The following RALGAPB variants were observed in gnomAD, a reference collection of about 807,000 sequenced individuals.
The protein encoded by RALGAPB is Ral GTPase activating protein non-catalytic subunit beta.
RALGAPB carries 25 observed loss-of-function variants against 161.1 expected under a neutral mutation model. That is an observed-to-expected ratio of 0.16 (90% CI 0.11 to 0.22). The LOEUF is 0.22. Ranked by LOEUF, RALGAPB falls within the 10% of genes least tolerant of loss-of-function variation. The pLI, the probability that RALGAPB is intolerant of heterozygous loss-of-function variation, is 1.00. For missense variants in RALGAPB, 1,391 were observed against 1,815.2 expected (o/e 0.77, Z 4.25); for synonymous variants, 629 against 626.1 (o/e 1.00, Z -0.07).
At chr20:38,504,143 G>T (rs990637946) in intron 5 of RALGAPB, among the ~76,000 whole-genome samples, 10 of 152,182 alleles carry the variant, frequency 6.6e-5, no homozygotes, top group African/African-American at 2.2e-4. Context: ...TAAGCAAAAA[G>T]AACAAAGCTG....
intron 2 of RALGAPB, 114 bp from the exon 3 acceptor site, chr20:38,492,816 A>G (rs2085316636): frequency 1.3e-6 from 1 of 783,116 alleles, no homozygotes; most frequent in African/African-American, 1.7e-5. Flanking sequence ...TTACGTTGAG[A>G]CGAATATACT....
chr20:38,556,173 T>C (rs536353374), intron 22 of RALGAPB, among the ~76,000 whole-genome samples: 1 of 152,320 alleles, frequency 6.6e-6, no homozygotes, highest in South Asian at 2.1e-4. Flanking sequence ...TAGAGGAATC[T>C]TTTGTTAAAA....
At chr20:38,544,475 A>AT (rs916992062) in intron 18 of RALGAPB, among the ~76,000 whole-genome samples, 13 of 151,506 alleles carry the variant, frequency 8.6e-5, no homozygotes, top group African/African-American at 2.7e-4. Context: ...ATTATTTTGT[A>AT]TTTTTTTCTT....
intron 6 of RALGAPB, among the ~76,000 whole-genome samples, chr20:38,513,314 G>A (rs549541350): frequency 6.6e-6 from 1 of 152,128 alleles, no homozygotes; most frequent in East Asian, 1.9e-4. Flanking sequence ...GACCAGCCTG[G>A]CCAACATGGT....
At chr20:38,517,361 TAGTG>T (rs1568933426) in intron 7 of RALGAPB, 141 bp from the exon 8 acceptor site, 4 of 668,264 alleles carry the variant, frequency 6.0e-6, no homozygotes, top group African/African-American at 3.8e-5. Flanking sequence ...CAGGAAGAAA[TAGTG>T]AGTAGATACT....
At chr20:38,512,568 A>G (rs2085993054) in intron 6 of RALGAPB, among the ~76,000 whole-genome samples, 1 of 152,200 alleles carries the variant, frequency 6.6e-6, no homozygotes, top group Non-Finnish European at 1.5e-5. Context: ...TTATTTCTGT[A>G]TATTATTTTA....
rs983007285 is a variant in RALGAPB at position 38,493,152 on chromosome 20, C to T, written c.389+20C>T. The T allele has an allele frequency of 6.4e-7, 1 of 1,552,476 alleles. No homozygotes were observed. Among genetic ancestry groups the T allele is most frequent in the African/African-American group, 1.4e-5 (1 of 73,518 alleles). On this transcript the variant is annotated intron_variant, in intron 3 of 29. Transcript: ENST00000262879. ...ACCAAGGTAAGCTATACCTGTCTAT[C>T]TGGCCCATTATCAGGGTCATAGTAA...
In RALGAPB at chr20:38,497,458, C is replaced by G; in HGVS notation, c.495C>G (p.Val165=). 5.0e-6 allele frequency: 8 copies of G among 1,614,124 alleles called. No individual in the cohort carries two copies. The highest frequency in any genetic ancestry group is 6.8e-6 in the Non-Finnish European group (8 of 1,180,002). Residue 165 remains valine (V), a synonymous_variant, in exon 4 of 30, where the codon GTC becomes GTG. Coordinates refer to ENST00000262879, the MANE Select transcript of RALGAPB (RefSeq NM_020336.4). ...TCATGGCCCGAGAAACTTGGGAAGT[C>G]TTACTGTTGTTTCTTCTGCAGATTA... ...SSLMARETWE[V]LLLFLLQIND... is the part of the protein sequence containing the mutation.
intron 16 of RALGAPB, among the ~76,000 whole-genome samples, chr20:38,539,062 A>G (rs1277008466): frequency 6.6e-6 from 1 of 152,250 alleles, no homozygotes; most frequent in Non-Finnish European, 1.5e-5. Context: ...AATAGAAATG[A>G]ATGAACAATT....
chr20:38,541,206 C>T lies in RALGAPB; in HGVS notation c.2714+14C>T, dbSNP rs776240618. 1.6e-5 allele frequency: 26 copies of T among 1,612,188 alleles called. No individual in the cohort carries two copies. Among genetic ancestry groups the T allele is most frequent in the African/African-American group, 6.7e-5 (5 of 74,828 alleles). On this transcript the variant is annotated intron_variant, in intron 18 of 29. Transcript: ENST00000262879. ...CACCCTAACATGGTATGGAAGTGAC[C>T]GCACAGGGATTGTGCCTAGGAATTA...
At position 38,562,622 on chromosome 20, in the gene RALGAPB, C is replaced by T; in HGVS notation, c.3622C>T (p.His1208Tyr). ...SLGWSVDVGR[H>Y]PGWTGHVSTS... ...TGGCTGGTCAGTAGATGTGGGCAGA[C>T]ACCCTGGTTGGACTGGGCATGTTTC... Residue 1208 changes from histidine (H) to tyrosine (Y), a missense_variant, in exon 24 of 30, where the codon CAC becomes TAC. His to Tyr is a moderately conservative substitution (Grantham distance 83, BLOSUM62 2). Around this residue, in one of 3 missense-constraint regions of RALGAPB, gnomAD observed 436 missense variants for 527.0 expected, o/e 0.83. Coordinates refer to ENST00000262879, the MANE Select transcript of RALGAPB (RefSeq NM_020336.4). The T allele has an allele frequency of 6.2e-7, 1 of 1,613,986 alleles. No homozygotes were observed. The highest frequency in any genetic ancestry group is 8.5e-7 in the Non-Finnish European group (1 of 1,179,914).
chr20:38,535,637 G>T (rs2086782024), intron 16 of RALGAPB, among the ~76,000 whole-genome samples: 1 of 148,204 alleles, frequency 6.7e-6, no homozygotes, highest in Admixed American at 6.8e-5. Context: ...CTGTCGCCCA[G>T]TCTGTAGCGT....
At chr20:38,549,229 T>C (rs2087276641) in intron 20 of RALGAPB, among the ~76,000 whole-genome samples, 1 of 152,026 alleles carries the variant, frequency 6.6e-6, no homozygotes, top group African/African-American at 2.4e-5. Flanking sequence ...TTGTATAAAT[T>C]TTATTTTTTT....
intron 5 of RALGAPB, among the ~76,000 whole-genome samples, chr20:38,500,852 T>C (rs1160950009): frequency 1.3e-5 from 2 of 152,110 alleles, no homozygotes; most frequent in Admixed American, 1.3e-4. Flanking sequence ...GTGGGCTAGA[T>C]AGGAGATCAA....
At chr20:38,477,786 T>C (rs895000578) in intron 1 of RALGAPB, among the ~76,000 whole-genome samples, 75 of 152,182 alleles carry the variant, frequency 4.9e-4, no homozygotes, top group African/African-American at 1.8e-3. Context: ...AGATAGGCAC[T>C]GCAGGTATTC....
Position 38,488,508 on chromosome 20 carries a change from C to G in RALGAPB, c.76C>G (p.Pro26Ala). ...CCATACCAGTGTGCTGCACAGCTATCCAGAGAGCGTTGGACGAGAGGTGGC... is the reference window on the plus strand; with the variant it reads ...CCATACCAGTGTGCTGCACAGCTATGCAGAGAGCGTTGGACGAGAGGTGGC... ...QGHTSVLHSY[P>A]ESVGREVANA... The change falls in exon 2 of 30, where the codon CCA becomes GCA. Residue 26 changes from proline to alanine, a missense_variant. Physicochemically the swap from Pro to Ala is conservative, Grantham distance 27. This residue lies in a region of RALGAPB where 946 missense variants were observed against 1,257.2 expected (regional missense o/e 0.75). Coordinates refer to ENST00000262879, the MANE Select transcript of RALGAPB (RefSeq NM_020336.4). 6.2e-7 allele frequency: 1 copy of G among 1,614,174 alleles called. No homozygotes were observed. Among genetic ancestry groups the G allele is most frequent in the South Asian group, 1.1e-5 (1 of 91,082 alleles).
At chr20:38,531,398 T>A (rs1363522411) in intron 14 of RALGAPB, among the ~76,000 whole-genome samples, 167 bp downstream of exon 14, 1 of 152,222 alleles carries the variant, frequency 6.6e-6, no homozygotes, top group Non-Finnish European at 1.5e-5. Flanking sequence ...TGAGGTTTGC[T>A]TTTCAGTGCC....
chr20:38,472,911 G>A lies in RALGAPB; in HGVS notation c.-189G>A. On this transcript the variant is annotated 5_prime_UTR_variant, in exon 1 of 30. Coordinates refer to ENST00000262879, the MANE Select transcript of RALGAPB (RefSeq NM_020336.4). Reference sequence around the variant, plus strand: ...GGCCTTCGTCGTCCCTTGGCGCCCTGGGAGAGTCGCTGACGGGTGGACTGA... The same window carrying A: ...GGCCTTCGTCGTCCCTTGGCGCCCTAGGAGAGTCGCTGACGGGTGGACTGA... The A allele has an allele frequency of 2.5e-6, 1 of 398,962 alleles. No homozygotes were observed. The highest frequency in any genetic ancestry group is 4.4e-5 in the Admixed American group (1 of 22,742). 24.7% of individuals were successfully genotyped at this position (398,962 alleles called of 1,614,324 possible).
chr20:38,528,614 C>T (rs1600954872), intron 13 of RALGAPB, among the ~76,000 whole-genome samples: 1 of 152,194 alleles, frequency 6.6e-6, no homozygotes, highest in East Asian at 1.9e-4. Flanking sequence ...TCCAGTCCTC[C>T]CTCCTTAGCC....
Sources: gnomAD v4.1 joint callset for allele counts (sites outside exome capture counted in the v4.1 genomes callset) on GRCh38, gnomAD v4.1.1 for gene constraint, gnomAD v4.1.1 regional missense constraint, MANE v1.5 for transcripts, NCBI Gene and HGNC (gene_info 2026-07-23, HGNC 2026-07-21) for gene names.